Variants in RYR3 observed in about 807,000 individuals in gnomAD.
RYR3 encodes brain ryanodine receptor-calcium release channel.
Under a neutral mutation model 584.3 loss-of-function variants are expected in RYR3, and 207 were observed. That is an observed-to-expected ratio of 0.35 (90% CI 0.32 to 0.40). The LOEUF (loss-of-function observed/expected upper bound fraction) is 0.40, where lower values mean the gene tolerates loss of function less well. Among genes scored for constraint, RYR3 ranks in the 10% least tolerant of loss-of-function variants. The pLI is 1.00. For synonymous variants in RYR3, 2,416 were observed against 2,248.5 expected (o/e 1.07, Z -2.11); for missense variants, 5,616 against 6,089.2 (o/e 0.92, Z 2.59).
chr15:33,631,249 C>A lies in RYR3; in HGVS notation c.2823C>A (p.Asn941Lys), dbSNP rs752831892. The A allele has an allele frequency of 6.3e-7, 1 of 1,592,036 alleles. No homozygotes were observed. Among genetic ancestry groups the A allele is most frequent in the Non-Finnish European group, 8.6e-7 (1 of 1,168,374 alleles). Residue 941 changes from asparagine to lysine, a missense_variant, in exon 23 of 104, where the codon AAC becomes AAA. Asn to Lys is a moderately conservative substitution (Grantham distance 94). Around this residue, in one of 9 missense-constraint regions of RYR3, gnomAD observed 1,284 missense variants for 1,344.6 expected, o/e 0.95. Transcript: ENST00000634891. ...LALGCHIAHV[N>K]PAAEEDLKKV... ...TGGGGTGCCACATTGCTCATGTTAACCCAGCTGCTGAGGAGGATCTCAAGA... is the reference window on the plus strand; with the variant it reads ...TGGGGTGCCACATTGCTCATGTTAAACCAGCTGCTGAGGAGGATCTCAAGA...
chr15:33,490,330 A>G lies in RYR3; in HGVS notation c.172-13301A>G, dbSNP rs558556688. Among the ~76,000 whole-genome samples the G allele has an allele frequency of 2.6e-5, 4 of 152,332 alleles. No homozygotes were observed. The South Asian group carries it at 8.3e-4, about 32-fold the overall frequency. The stretch of plus-strand genomic sequence containing the variant: ...CCACTGAGCAGTTGACAAAATTAAG[A>G]AACTCTTGACCTAATGCTCTGTTTC... On this transcript the variant is annotated intron_variant, in intron 2 of 103. Coordinates refer to ENST00000634891, the MANE Select transcript of RYR3 (RefSeq NM_001036.6).
At chr15:33,375,637 C>T (rs1355135338) in intron 1 of RYR3, among the ~76,000 whole-genome samples, 1 of 152,098 alleles carries the variant, frequency 6.6e-6, no homozygotes, top group Non-Finnish European at 1.5e-5. Context: ...TCAGAGCAAG[C>T]CCAGATTCAA....
intron 30 of RYR3, among the ~76,000 whole-genome samples, chr15:33,647,678 C>T (rs1047134919): frequency 2.0e-5 from 3 of 152,178 alleles, no homozygotes; most frequent in Non-Finnish European, 2.9e-5. Context: ...ACCTGGAGCT[C>T]CTAACTGGGC....
intron 1 of RYR3, among the ~76,000 whole-genome samples, chr15:33,377,070 G>A (rs1264857547): frequency 6.6e-6 from 1 of 152,216 alleles, no homozygotes; most frequent in African/African-American, 2.4e-5. Flanking sequence ...TAGTAGCTTA[G>A]GGAAGCAAGG....
intron 38 of RYR3, among the ~76,000 whole-genome samples, chr15:33,683,337 T>C (rs924440072): frequency 2.0e-5 from 3 of 152,160 alleles, no homozygotes; most frequent in African/African-American, 7.2e-5. Context: ...TTGTAGTCAC[T>C]AAAGGGTAGC....
chr15:33,314,807 G>C (rs907209295), intron 1 of RYR3, among the ~76,000 whole-genome samples: 1 of 152,158 alleles, frequency 6.6e-6, no homozygotes, highest in African/African-American at 2.4e-5. Context: ...CCAGCTGCTC[G>C]GGAGGCAGAG....
At chr15:33,692,515 C>T (rs2065506654) in intron 38 of RYR3, among the ~76,000 whole-genome samples, 2 of 152,132 alleles carry the variant, frequency 1.3e-5, no homozygotes, top group Admixed American at 1.3e-4. Flanking sequence ...AAACATTTTC[C>T]AGTACATATG....
intron 1 of RYR3, among the ~76,000 whole-genome samples, chr15:33,345,060 T>C (rs8030923): frequency 0.38 from 57,048 of 152,018 alleles, 11,196 homozygotes; most frequent in East Asian, 0.52. Context: ...ACTCAGGTTG[T>C]CTCGTTTCTA....
intron 1 of RYR3, among the ~76,000 whole-genome samples, chr15:33,460,940 C>CTTTTTTTTTTTTTTTTTTTTTTTTT (rs66742049): frequency 1.3e-5 from 1 of 79,214 alleles, no homozygotes; most frequent in Non-Finnish European, 2.2e-5. Flanking sequence ...TAATATCCAC[C>CTTTTTTTTTTTTTTTTTTTTTTTTT]TTTTTTTTTT....
At position 33,562,916 on chromosome 15, in the gene RYR3, C is replaced by G; in HGVS notation, c.1052C>G (p.Ser351Cys). The G allele has an allele frequency of 6.2e-7, 1 of 1,613,742 alleles. No individual in the cohort carries two copies. Among genetic ancestry groups the G allele is most frequent in the Non-Finnish European group, 8.5e-7 (1 of 1,179,674 alleles). The change falls in exon 11 of 104, where the codon TCT becomes TGT. Residue 351 changes from serine to cysteine, a missense_variant. Ser to Cys is a moderately radical substitution (Grantham distance 112, BLOSUM62 -1). This residue lies in a region of RYR3 where 1,284 missense variants were observed against 1,344.6 expected (regional missense o/e 0.95). Transcript: ENST00000634891. ...GTTCCAGAAATCAAGTATGGAGATT[C>G]TGTCTGCTTTGTGCAGCATATAGCC... ...MGVPEIKYGD[S>C]VCFVQHIASG...
chr15:33,819,843 T>C, intron 77 of RYR3, 36 bp downstream of exon 77: 1 of 1,515,672 alleles, frequency 6.6e-7, no homozygotes, highest in Non-Finnish European at 9.0e-7. Flanking sequence ...TCTCTGTCTT[T>C]CTGTCTTCCC....
intron 1 of RYR3, among the ~76,000 whole-genome samples, chr15:33,469,888 G>C (rs942006658): frequency 2.0e-5 from 3 of 152,186 alleles, no homozygotes. Flanking sequence ...GGATCCAACA[G>C]AAAGGCGGGA....
At chr15:33,528,014 A>C (rs1041704612) in intron 3 of RYR3, among the ~76,000 whole-genome samples, 1 of 152,106 alleles carries the variant, frequency 6.6e-6, no homozygotes, top group African/African-American at 2.4e-5. Flanking sequence ...GTGAAGGATG[A>C]CACCAAGATT....
At chr15:33,624,274 T>A (rs533803310) in intron 20 of RYR3, among the ~76,000 whole-genome samples, 1 of 152,344 alleles carries the variant, frequency 6.6e-6, no homozygotes, top group Non-Finnish European at 1.5e-5. Flanking sequence ...AAATATTTAT[T>A]GTCTGGGAAT....
rs539122445 is a variant in RYR3 at position 33,562,968 on chromosome 15, A to G, written c.1104A>G (p.Ala368=). ...GTGGTCTGTGGGTGACCTACAAAGC[A>G]CAAGACGCCAAAACTTCCCGCCTGG... is the stretch of plus-strand genomic sequence containing the variant. The part of the protein sequence containing the change: ...IASGLWVTYK[A]QDAKTSRLGP... The change falls in exon 11 of 104, where the codon GCA becomes GCG. Residue 368 remains alanine, a synonymous_variant. Coordinates refer to ENST00000634891, the MANE Select transcript of RYR3 (RefSeq NM_001036.6). 343 of 1,612,878 alleles carry G rather than the reference A, an allele frequency of 2.1e-4. 6 individuals carry two copies. The South Asian group carries it at 3.6e-3, about 17-fold the overall frequency.
chr15:33,750,121 A>G (rs760120644), intron 56 of RYR3, 42 bp from the exon 57 acceptor site: 22 of 1,607,704 alleles, frequency 1.4e-5, no homozygotes, highest in Non-Finnish European at 1.4e-5. Context: ...CCAGAAGTGC[A>G]AAGGAAGAGC....
At chr15:33,721,192 T>G (rs2067880977) in intron 43 of RYR3, among the ~76,000 whole-genome samples, 1 of 152,172 alleles carries the variant, frequency 6.6e-6, no homozygotes, top group East Asian at 1.9e-4. Flanking sequence ...CAAGCAGCCC[T>G]ATGGGGAGGT....
chr15:33,672,842 G>C (rs543104846), intron 38 of RYR3, among the ~76,000 whole-genome samples: 3 of 152,226 alleles, frequency 2.0e-5, no homozygotes, highest in East Asian at 3.9e-4. Flanking sequence ...ATTTACTGCT[G>C]TTAGTTTTCT....
At chr15:33,678,501 T>G (rs1234368362) in intron 38 of RYR3, among the ~76,000 whole-genome samples, 1 of 152,232 alleles carries the variant, frequency 6.6e-6, no homozygotes, top group African/African-American at 2.4e-5. Context: ...GTGAGTCAAT[T>G]AAACCTCTCT....
Sources: allele counts gnomAD v4.1 joint callset (sites outside exome capture counted in the v4.1 genomes callset), GRCh38; gene constraint gnomAD v4.1.1; regional missense constraint gnomAD v4.1.1; transcripts MANE v1.5; gene names NCBI Gene and HGNC (gene_info 2026-07-23, HGNC 2026-07-21).